Variants in C12orf42 observed in about 807,000 individuals in gnomAD.
C12orf42 encodes uncharacterized protein C12orf42.
Under a neutral mutation model 21.6 loss-of-function variants are expected in C12orf42, and 25 were observed. That is an observed-to-expected ratio of 1.16 (90% CI 0.84 to 1.62). The LOEUF (loss-of-function observed/expected upper bound fraction) is 1.62, where lower values mean the gene tolerates loss of function less well. C12orf42 is among the 40% of genes most tolerant of loss of function. The pLI is 0.00. For missense variants in C12orf42, 483 were observed against 459.3 expected (o/e 1.05, Z -0.47); for synonymous variants, 174 against 175.0 (o/e 0.99, Z 0.05).
At chr12:103,319,649 T>G (rs955408459) in intron 4 of C12orf42, among the ~76,000 whole-genome samples, 5 of 152,254 alleles carry the variant, frequency 3.3e-5, no homozygotes, top group Non-Finnish European at 7.3e-5. Flanking sequence ...ACAATATTTC[T>G]AAAGATTTCA....
intron 4 of C12orf42, among the ~76,000 whole-genome samples, chr12:103,291,816 C>A (rs1348154870): frequency 6.6e-6 from 1 of 152,086 alleles, no homozygotes; most frequent in Non-Finnish European, 1.5e-5. Flanking sequence ...CTGGTTTTGG[C>A]CTATTTCTTT....
At chr12:103,163,605 A>C in the C12orf42 span, among the ~76,000 whole-genome samples, 1 of 152,196 alleles carries the variant, frequency 6.6e-6, no homozygotes, top group Admixed American at 6.5e-5. Flanking sequence ...ATTAATTAAA[A>C]AACAAAAGCA....
Position 103,302,430 on chromosome 12 carries a change from G to C in C12orf42, c.761C>G (p.Ala254Gly), listed in dbSNP as rs748092254. 1.9e-6 allele frequency: 3 copies of C among 1,613,874 alleles called. No individual in the cohort carries two copies. The highest frequency in any genetic ancestry group is 3.3e-4 in the Middle Eastern group (2 of 6,060). Residue 254 changes from alanine (A) to glycine (G), a missense_variant, in exon 6 of 6, where the codon GCT (alanine) becomes GGT (glycine). Coordinates refer to ENST00000548883, the MANE Select transcript of C12orf42 (RefSeq NM_198521.5). ...TTGGATGTCGTCGGGGTGTGCCTGA[G>C]CGCCTGCTGGGACTGCCATCCTCTC... ...PEERMAVPAG[A>G]QAHPDDIQSR...
At chr12:103,386,184 T>C (rs2046594629) in intron 3 of C12orf42, among the ~76,000 whole-genome samples, 1 of 152,204 alleles carries the variant, frequency 6.6e-6, no homozygotes, top group South Asian at 2.1e-4. Context: ...AGCCAGGATT[T>C]GAACTCAGGC....
At chr12:103,244,806 T>C (rs1386243258) in intron 10 of C12orf42, among the ~76,000 whole-genome samples, 1 of 152,042 alleles carries the variant, frequency 6.6e-6, no homozygotes, top group Non-Finnish European at 1.5e-5. Flanking sequence ...CTCCACTTCC[T>C]CAAAATCTAT....
At chr12:103,292,066 C>G (rs1229335190) in intron 4 of C12orf42, among the ~76,000 whole-genome samples, 1 of 152,060 alleles carries the variant, frequency 6.6e-6, no homozygotes, top group African/African-American at 2.4e-5. Context: ...TATGTCCATA[C>G]AGTAGAATAT....
intron 2 of C12orf42, among the ~76,000 whole-genome samples, chr12:103,402,985 A>T (rs2048132854): frequency 6.6e-6 from 1 of 152,160 alleles, no homozygotes; most frequent in African/African-American, 2.4e-5. Context: ...GACCCCCATT[A>T]TGTCCTCTCA....
chr12:103,385,086 C>G (rs1297800105), intron 3 of C12orf42, among the ~76,000 whole-genome samples: 1 of 152,186 alleles, frequency 6.6e-6, no homozygotes, highest in Admixed American at 6.5e-5. Flanking sequence ...GAACTGCATA[C>G]AGTTTGTCCC....
intron 3 of C12orf42, among the ~76,000 whole-genome samples, chr12:103,399,148 A>G (rs1219342417): frequency 6.6e-6 from 1 of 151,884 alleles, no homozygotes; most frequent in African/African-American, 2.4e-5. Context: ...AATAATTTAT[A>G]TATTTTAATA....
At chr12:103,231,029 C>T in the C12orf42 span, among the ~76,000 whole-genome samples, 15 of 151,946 alleles carry the variant, frequency 9.9e-5, no homozygotes, top group South Asian at 4.1e-4. Context: ...TTCTTCTATA[C>T]CTATGACATA....
At chr12:103,365,146 C>T (rs983264753) in intron 4 of C12orf42, among the ~76,000 whole-genome samples, 3 of 152,020 alleles carry the variant, frequency 2.0e-5, no homozygotes, top group Non-Finnish European at 4.4e-5. Context: ...GTGTTTCATA[C>T]CAGGGATGTA....
the C12orf42 span, among the ~76,000 whole-genome samples, chr12:103,540,908 T>C: frequency 6.6e-6 from 1 of 152,322 alleles, no homozygotes; most frequent in East Asian, 1.9e-4. Context: ...TCTTTCTTTC[T>C]TTCTTTTTTT....
the C12orf42 span, among the ~76,000 whole-genome samples, chr12:103,158,140 C>G: frequency 8.5e-5 from 13 of 152,322 alleles, no homozygotes; most frequent in African/African-American, 2.9e-4. Flanking sequence ...TTATACATCA[C>G]AAGCATTGCG....
At chr12:103,160,893 C>T in the C12orf42 span, among the ~76,000 whole-genome samples, 3 of 152,204 alleles carry the variant, frequency 2.0e-5, no homozygotes, top group African/African-American at 7.2e-5. Flanking sequence ...AGCTTTACCA[C>T]TCACTATACA....
the C12orf42 span, among the ~76,000 whole-genome samples, chr12:103,132,198 G>T: frequency 2.6e-5 from 4 of 152,238 alleles, no homozygotes; most frequent in East Asian, 1.9e-4. Flanking sequence ...AACTGAATTA[G>T]CAGGTAGGTA....
At chr12:103,072,149 C>T in the C12orf42 span, among the ~76,000 whole-genome samples, 1 of 152,156 alleles carries the variant, frequency 6.6e-6, no homozygotes, top group East Asian at 1.9e-4. Flanking sequence ...ACTTAAGCAT[C>T]AGCTGACCTG....
chr12:103,092,423 G>T, the C12orf42 span, among the ~76,000 whole-genome samples: 1 of 152,168 alleles, frequency 6.6e-6, no homozygotes, highest in Admixed American at 6.5e-5. Flanking sequence ...TAACCTTGGA[G>T]TTCCAGTCCT....
chr12:103,220,609 C>A, the C12orf42 span, among the ~76,000 whole-genome samples: 1 of 152,022 alleles, frequency 6.6e-6, no homozygotes, highest in Non-Finnish European at 1.5e-5. Flanking sequence ...TAAATGCCAC[C>A]CAGATTTGAA....
chr12:103,512,377 G>T, the C12orf42 span, among the ~76,000 whole-genome samples: 6 of 152,092 alleles, frequency 3.9e-5, no homozygotes, highest in Admixed American at 1.3e-4. Flanking sequence ...TTAGACAGAA[G>T]GAATAAGTTC....
Sources: allele counts gnomAD v4.1 joint callset (sites outside exome capture counted in the v4.1 genomes callset), GRCh38; gene constraint gnomAD v4.1.1; transcripts MANE v1.5; gene names NCBI Gene and HGNC (gene_info 2026-07-23, HGNC 2026-07-21).